The following CDX1 variants were observed in gnomAD, a reference collection of about 807,000 sequenced individuals.
The protein encoded by CDX1 is homeobox protein CDX-1.
CDX1 carries 9 observed loss-of-function variants against 16.9 expected under a neutral mutation model. The observed-to-expected ratio is 0.53, with a 90% CI of 0.32 to 0.93. The LOEUF is 0.93. Among genes scored for constraint, CDX1 ranks in the 40% least tolerant of loss-of-function variants. The pLI is 0.04. For synonymous variants in CDX1, 179 were observed against 179.0 expected (o/e 1.00, Z 0.00); for missense variants, 393 against 386.1 (o/e 1.02, Z -0.15).
intron 1 of CDX1, among the ~76,000 whole-genome samples, chr5:150,170,133 T>C (rs977813341): frequency 6.6e-6 from 1 of 152,188 alleles, no homozygotes; most frequent in African/African-American, 2.4e-5. Context: ...CAAGTCCTAC[T>C]GCAGATCTTG....
chr5:150,181,676 C>T (rs1752431970), intron 1 of CDX1, among the ~76,000 whole-genome samples: 1 of 152,238 alleles, frequency 6.6e-6, no homozygotes, highest in African/African-American at 2.4e-5. Flanking sequence ...CACAGACCAC[C>T]TCCTCCCTAA....
At chr5:150,178,741 T>A (rs1207510326) in intron 1 of CDX1, among the ~76,000 whole-genome samples, 2 of 152,248 alleles carry the variant, frequency 1.3e-5, no homozygotes, top group African/African-American at 4.8e-5. Context: ...GCAGCCCCTA[T>A]TACTGGCTTC....
intron 1 of CDX1, among the ~76,000 whole-genome samples, chr5:150,173,388 A>G (rs6887332): frequency 0.091 from 13,801 of 151,912 alleles, 725 homozygotes; most frequent in African/African-American, 0.14. Flanking sequence ...CTTTGTACCT[A>G]CTGCTCACTC....
At position 150,166,804 on chromosome 5, in the gene CDX1, G is replaced by A. The variant is rs912537968; in HGVS notation, c.-73G>A. On this transcript the variant is annotated 5_prime_UTR_variant, in exon 1 of 3. Coordinates refer to ENST00000231656, the MANE Select transcript of CDX1 (RefSeq NM_001804.3). ...GCAGGACAGCCGAGTTCAGGTGAGCGGTTGCTCGTCGTCGGGGCGGCCGGC... is the reference window on the plus strand; with the variant it reads ...GCAGGACAGCCGAGTTCAGGTGAGCAGTTGCTCGTCGTCGGGGCGGCCGGC... 2 of 1,098,984 alleles carry A rather than the reference G, an allele frequency of 1.8e-6. No individual in the cohort carries two copies. Among genetic ancestry groups the A allele is most frequent in the African/African-American group, 1.7e-5 (1 of 59,170 alleles). The allele number at this position is 1,098,984 out of a possible 1,614,324, so 68.1% of individuals were successfully genotyped here.
At position 150,167,052 on chromosome 5, in the gene CDX1, C is replaced by T; in HGVS notation, c.176C>T (p.Thr59Met). ...GTGGAGCCGGCCCCCGCGCCCCCGA[C>T]GGCCTGGGGGGCGCCCTTCCCTGCG... ...SHVEPAPAPP[T>M]AWGAPFPAPK... Residue 59 changes from threonine to methionine, a missense_variant, in exon 1 of 3, where the codon ACG becomes ATG. Thr to Met is a moderately conservative substitution (Grantham distance 81, BLOSUM62 -1). Transcript: ENST00000231656. 1 of 1,428,884 alleles carries T rather than the reference C, an allele frequency of 7.0e-7. No homozygotes were observed. The highest frequency in any genetic ancestry group is 9.1e-7 in the Non-Finnish European group (1 of 1,096,658). 88.5% of individuals were successfully genotyped at this position (1,428,884 alleles called of 1,614,324 possible).
rs568420096 is a variant in CDX1 at position 150,182,528 on chromosome 5, G to A, written c.446-240G>A. Among the ~76,000 whole-genome samples, 6 of 152,342 alleles carry A rather than the reference G, an allele frequency of 3.9e-5. No individual in the cohort carries two copies. The South Asian group carries it at 1.0e-3, about 26-fold the overall frequency. On this transcript the variant is annotated intron_variant, in intron 1 of 2. Transcript: ENST00000231656. ...TGTGTAACCCTGAGCTGGTTGTTTTGCCTACCTCACTGCCTCCCTGATGGG... is the reference window on the plus strand; with the variant it reads ...TGTGTAACCCTGAGCTGGTTGTTTTACCTACCTCACTGCCTCCCTGATGGG...
intron 1 of CDX1, among the ~76,000 whole-genome samples, chr5:150,169,475 A>G (rs1307858451): frequency 6.6e-6 from 1 of 152,022 alleles, no homozygotes; most frequent in African/African-American, 2.4e-5. Flanking sequence ...GGATGCAGGA[A>G]CCCTGACCTT....
At chr5:150,169,641 A>G (rs952286991) in intron 1 of CDX1, among the ~76,000 whole-genome samples, 5 of 152,304 alleles carry the variant, frequency 3.3e-5, no homozygotes, top group African/African-American at 9.6e-5. Context: ...CTTCTGGGCA[A>G]TGAAGGCATA....
intron 1 of CDX1, among the ~76,000 whole-genome samples, chr5:150,181,129 C>T (rs956182156): frequency 5.3e-5 from 8 of 152,234 alleles, no homozygotes; most frequent in Non-Finnish European, 1.2e-4. Flanking sequence ...CTTCTCACTG[C>T]ACCTCAGCTC....
intron 1 of CDX1, among the ~76,000 whole-genome samples, chr5:150,177,409 G>C (rs903331658): frequency 5.3e-5 from 8 of 152,208 alleles, no homozygotes; most frequent in African/African-American, 1.7e-4. Context: ...AGTAAGATCT[G>C]CCCTTCCCCA....
chr5:150,182,662 A>C, intron 1 of CDX1, 106 bp from the exon 2 acceptor site: 1 of 1,104,850 alleles, frequency 9.1e-7, no homozygotes, highest in Non-Finnish European at 1.3e-6. Flanking sequence ...TCAGGGTCCT[A>C]CTTCAGGGAG....
At chr5:150,173,429 T>C (rs1562054557) in intron 1 of CDX1, among the ~76,000 whole-genome samples, 1 of 152,106 alleles carries the variant, frequency 6.6e-6, no homozygotes, top group African/African-American at 2.4e-5. Flanking sequence ...GTTCATGACA[T>C]GGAAGCCTCC....
At chr5:150,168,271 G>T (rs1002360862) in intron 1 of CDX1, among the ~76,000 whole-genome samples, 1 of 152,162 alleles carries the variant, frequency 6.6e-6, no homozygotes, top group Non-Finnish European at 1.5e-5. Context: ...CCCCAGCTGC[G>T]AATAATCCTG....
intron 1 of CDX1, among the ~76,000 whole-genome samples, chr5:150,170,404 C>A (rs140557278): frequency 6.4e-4 from 98 of 152,354 alleles, no homozygotes; most frequent in African/African-American, 2.3e-3. Context: ...TCTGCTTAAC[C>A]CACTACTGCA....
rs1046884721 is a variant in CDX1, at chr5:150,183,890, G to T, written c.*210G>T. The T allele has an allele frequency of 3.0e-5, 12 of 403,722 alleles. No homozygotes were observed. Among genetic ancestry groups the T allele is most frequent in the African/African-American group, 2.2e-4 (11 of 49,404 alleles). 25.0% of individuals were successfully genotyped at this position (403,722 alleles called of 1,614,324 possible). ...TCCAGCTCCTGTGTTCTAGACCTCT[G>T]GGGGATAAGGGAGTCCAGGGTGGAT... On this transcript the variant is annotated 3_prime_UTR_variant, in exon 3 of 3. Coordinates refer to ENST00000231656, the MANE Select transcript of CDX1 (RefSeq NM_001804.3).
chr5:150,182,867 G>T lies in CDX1; in HGVS notation c.545G>T (p.Arg182Leu), dbSNP rs545571678. 6.2e-7 allele frequency: 1 copy of T among 1,613,066 alleles called. No individual in the cohort carries two copies. Among genetic ancestry groups the T allele is most frequent in the Non-Finnish European group, 8.5e-7 (1 of 1,179,562 alleles). The change falls in exon 2 of 3, where the codon CGG (arginine) becomes CTG (leucine). Residue 182 changes from arginine (R) to leucine (L), a missense_variant. Physicochemically the swap from Arg to Leu is moderately radical, Grantham distance 102. Transcript: ENST00000231656. Reference sequence around the variant, plus strand: ...CATTACAGCCGTTACATCACAATCCGGCGGAAATCAGAGCTGGCTGCCAAT... The same window carrying T: ...CATTACAGCCGTTACATCACAATCCTGCGGAAATCAGAGCTGGCTGCCAAT... ...EFHYSRYITI[R>L]RKSELAANLG... is the part of the protein sequence containing the mutation.
intron 1 of CDX1, among the ~76,000 whole-genome samples, chr5:150,176,161 C>T (rs1259264067): frequency 6.6e-6 from 1 of 152,214 alleles, no homozygotes; most frequent in Admixed American, 6.5e-5. Flanking sequence ...CCAGAAGTGC[C>T]ACCACCTCTG....
intron 1 of CDX1, among the ~76,000 whole-genome samples, chr5:150,175,214 A>C (rs980615516): frequency 6.6e-6 from 1 of 152,214 alleles, no homozygotes; most frequent in Non-Finnish European, 1.5e-5. Context: ...TCATGTCTTC[A>C]TTTTAAAGAT....
Position 150,182,751 on chromosome 5 carries a change from C to T in CDX1, c.446-17C>T. On this transcript the variant is annotated splice_polypyrimidine_tract_variant and intron_variant, in intron 1 of 2. Coordinates refer to ENST00000231656, the MANE Select transcript of CDX1 (RefSeq NM_001804.3). ...CCTCTCAACTCACCTTCCTTCCCGG[C>T]TCCTTCTGCTTCTCAGGTAAGACTC... 4 of 1,544,744 alleles carry T rather than the reference C, an allele frequency of 2.6e-6. No homozygotes were observed. Among genetic ancestry groups the T allele is most frequent in the Non-Finnish European group, 3.5e-6 (4 of 1,147,688 alleles).
Sources: gnomAD v4.1 joint callset for allele counts (sites outside exome capture counted in the v4.1 genomes callset) on GRCh38, gnomAD v4.1.1 for gene constraint, MANE v1.5 for transcripts, NCBI Gene and HGNC (gene_info 2026-07-23, HGNC 2026-07-21) for gene names.